The following MRPL43 variants were observed in gnomAD, a reference collection of about 807,000 sequenced individuals.
MRPL43 encodes mitochondrial ribosomal protein L43.
A neutral mutation model predicts 12.7 loss-of-function variants in MRPL43; 9 were observed. That is an observed-to-expected ratio of 0.71 (90% confidence interval 0.43 to 1.24). The LOEUF is 1.24. Among genes scored for constraint, MRPL43 ranks in the 50% most tolerant of loss-of-function variants. The probability of loss-of-function intolerance (pLI) is 0.00; values close to 1 mark genes in which losing one functional copy is unlikely to be tolerated. For missense variants in MRPL43, 211 were observed against 229.2 expected (o/e 0.92, Z 0.51); for synonymous variants, 116 against 96.4 (o/e 1.20, Z -1.19).
Position 100,986,446 on chromosome 10 carries a change from T to C in MRPL43, c.*288A>G. 6.6e-7 allele frequency: 1 copy of C among 1,525,122 alleles called. No individual in the cohort carries two copies. The allele number at this position is 1,525,122 out of a possible 1,614,324, so 94.5% of individuals were successfully genotyped here. A position where few individuals can be genotyped will look rare whatever the true frequency, so the allele number is the denominator to read the frequency against. On this transcript the variant is annotated 3_prime_UTR_variant, in exon 3 of 3. Coordinates refer to ENST00000318364, the MANE Select transcript of MRPL43 (RefSeq NM_032112.3). ...CTCTCACTGTGTTTTGAGATCATTA[T>C]TATCAATTTGGATTTAAAAAACAAG... is the stretch of plus-strand genomic sequence containing the variant.
At chr10:100,983,653 C>G, downstream of MRPL43, 1 of 1,613,612 alleles carries the variant, frequency 6.2e-7, no homozygotes, top group South Asian at 1.1e-5. Flanking sequence ...TATGTGCTAG[C>G]CATTGCCGCG....
downstream of MRPL43, chr10:100,983,901 C>G: frequency 6.6e-7 from 1 of 1,507,354 alleles, no homozygotes; most frequent in Non-Finnish European, 8.9e-7. Context: ...GGAGGGAGCC[C>G]CAGCCCCACC....
At chr10:100,985,409 C>A (rs992545494), downstream of MRPL43, 1 of 153,254 alleles carries the variant, frequency 6.5e-6, no homozygotes, top group South Asian at 2.1e-4. Flanking sequence ...TAGCTGAGAA[C>A]GTGGAATCCC....
chr10:100,984,788 G>A (rs1473643656), downstream of MRPL43: 17 of 1,535,646 alleles, frequency 1.1e-5, no homozygotes, highest in Admixed American at 3.9e-5. Context: ...GCTTGGGAAC[G>A]GGCCAGCCTG....
chr10:100,986,767 C>T lies in MRPL43; in HGVS notation c.447G>A (p.Gln149=). 2 of 1,613,876 alleles carry T rather than the reference C, an allele frequency of 1.2e-6. No individual in the cohort carries two copies. The highest frequency in any genetic ancestry group is 1.7e-6 in the Non-Finnish European group (2 of 1,180,024). Residue 149 remains glutamine, a synonymous_variant, in exon 3 of 3, where the codon CAG becomes CAA. Coordinates refer to ENST00000318364, the MANE Select transcript of MRPL43 (RefSeq NM_032112.3). ...TFRGLRPREV[Q]DPAPAQVQAQ ...CTTGCACCTGGGCTGGGGCAGGATC[C>T]TGAACCTCTCGGGGGCGTAGCCCGC... is the stretch of plus-strand genomic sequence containing the variant.
chr10:100,981,566 T>G, downstream of MRPL43: 1 of 1,613,234 alleles, frequency 6.2e-7, no homozygotes. Context: ...CAAAAGTTAA[T>G]CATCACAGCT....
At chr10:100,981,772 A>G (rs1851088721), downstream of MRPL43, among the ~76,000 whole-genome samples, 1 of 152,170 alleles carries the variant, frequency 6.6e-6, no homozygotes, top group Non-Finnish European at 1.5e-5. Context: ...CAGAATTCAA[A>G]CCTGGCTGAG....
chr10:100,985,567 G>C (rs375892284), downstream of MRPL43: 1 of 152,586 alleles, frequency 6.6e-6, no homozygotes, highest in African/African-American at 2.4e-5. Context: ...GGGAGCCTGG[G>C]CTCAGCTCCT....
downstream of MRPL43, chr10:100,985,015 T>C: frequency 8.8e-7 from 1 of 1,142,088 alleles, no homozygotes; most frequent in East Asian, 2.6e-5. Flanking sequence ...CTTGGACCTG[T>C]CTGTTGGGTT....
downstream of MRPL43, chr10:100,980,171 T>G: frequency 6.2e-7 from 1 of 1,614,236 alleles, no homozygotes; most frequent in Non-Finnish European, 8.5e-7. Flanking sequence ...TCCCAAGACT[T>G]GCCATCCCTG....
downstream of MRPL43, chr10:100,978,481 T>C (rs758251992): frequency 2.5e-6 from 4 of 1,592,754 alleles, no homozygotes; most frequent in African/African-American, 5.4e-5. Flanking sequence ...TCATGTGCCC[T>C]GTTGAATATG....
chr10:100,983,154 T>G (rs1255098202), downstream of MRPL43: 1 of 955,036 alleles, frequency 1.0e-6, no homozygotes, highest in East Asian at 2.7e-5. Flanking sequence ...GAACCTTCTG[T>G]GGAAGCATGA....
At chr10:100,982,253 C>T (rs1215521064), downstream of MRPL43, among the ~76,000 whole-genome samples, 1 of 151,876 alleles carries the variant, frequency 6.6e-6, no homozygotes. Flanking sequence ...ATTTGAGTGA[C>T]AGGAGAATAG....
downstream of MRPL43, chr10:100,978,924 A>T: frequency 6.2e-7 from 1 of 1,614,036 alleles, no homozygotes; most frequent in Non-Finnish European, 8.5e-7. Context: ...AAGGTGTACT[A>T]CTTCTTCACG....
chr10:100,978,705 GC>G (rs1205701211), downstream of MRPL43: 1 of 1,564,836 alleles, frequency 6.4e-7, no homozygotes, highest in Non-Finnish European at 8.8e-7. Flanking sequence ...TACTCCCTTG[GC>G]CAGCTGACCA....
downstream of MRPL43, chr10:100,980,039 G>A (rs1368703034): frequency 1.8e-5 from 29 of 1,613,752 alleles, no homozygotes; most frequent in African/African-American, 2.7e-5. Context: ...AGAGCCCAGG[G>A]AAGGGTCAAA....
chr10:100,980,006 C>T (rs770589865), downstream of MRPL43: 2 of 1,613,892 alleles, frequency 1.2e-6, no homozygotes, highest in Non-Finnish European at 8.5e-7. Flanking sequence ...AGTGCCCAGG[C>T]CTGGGGCCAG....
chr10:100,980,997 G>A (rs752779759), downstream of MRPL43: 7 of 1,592,968 alleles, frequency 4.4e-6, no homozygotes, highest in Non-Finnish European at 6.0e-6. Context: ...CAGGGAAGCA[G>A]GTGGGAAGTG....
chr10:100,981,991 G>A (rs12413305), downstream of MRPL43, among the ~76,000 whole-genome samples: 9,312 of 149,484 alleles, frequency 0.062, 417 homozygotes, highest in East Asian at 0.26. Context: ...CTGGGAGGCA[G>A]AGGTTGCAGT....
Sources: allele counts gnomAD v4.1 joint callset (sites outside exome capture counted in the v4.1 genomes callset), GRCh38; gene constraint gnomAD v4.1.1; transcripts MANE v1.5; gene names NCBI Gene and HGNC (gene_info 2026-07-23, HGNC 2026-07-21).